Variants in STRN3 observed in about 807,000 individuals in gnomAD.
The protein encoded by STRN3 is striatin-3.
A neutral mutation model predicts 95.6 loss-of-function variants in STRN3; 29 were observed. The observed-to-expected ratio is 0.30, with a 90% CI of 0.23 to 0.41. The LOEUF (loss-of-function observed/expected upper bound fraction) is 0.41, where lower values mean the gene tolerates loss of function less well. Ranked by LOEUF, STRN3 falls within the 10% of genes least tolerant of loss-of-function variation. The pLI, the probability that STRN3 is intolerant of heterozygous loss-of-function variation, is 1.00. For synonymous variants in STRN3, 331 were observed against 357.6 expected, an observed-to-expected ratio of 0.93 and a Z score of 0.84; for missense variants, 890 against 972.1, an observed-to-expected ratio of 0.92 and a Z score of 1.12.
intron 1 of STRN3, chr14:31,018,314 A>C: frequency 3.9e-6 from 1 of 259,004 alleles, no homozygotes; most frequent in Middle Eastern, 1.4e-3. Flanking sequence ...GGTGGGCACC[A>C]TGTTGCATTC....
intron 13 of STRN3, among the ~76,000 whole-genome samples, chr14:30,909,405 C>T (rs908953749): frequency 7.4e-5 from 3 of 40,300 alleles, no homozygotes; most frequent in South Asian, 7.8e-4. Flanking sequence ...GCCTGGGAGG[C>T]GGAGGTTGCA....
intron 1 of STRN3, among the ~76,000 whole-genome samples, chr14:30,992,179 G>A (rs1201579563): frequency 1.3e-5 from 2 of 151,982 alleles, no homozygotes; most frequent in Non-Finnish European, 2.9e-5. Context: ...GGAGGCTGAG[G>A]CGGGCGGATC....
At chr14:30,963,087 CGCT>C (rs200981692) in intron 1 of STRN3, among the ~76,000 whole-genome samples, 9 of 124,568 alleles carry the variant, frequency 7.2e-5, no homozygotes, top group Admixed American at 5.8e-4. Flanking sequence ...CACATGACTA[CGCT>C]AATAATGACA....
At position 31,003,796 on chromosome 14, in the gene STRN3, T is replaced by TTAAA. The variant is rs71112372; in HGVS notation, c.282+22107_282+22108insTTTA. ...ACCTTAATGCAAAACACATCTTTCT[T>TTAAA]AAAAAAAAAAAAAAAAAAAAACTTG... On this transcript the variant is annotated intron_variant, in intron 1 of 17. Transcript: ENST00000357479. Among the ~76,000 whole-genome samples, 647 of 115,476 alleles carry TTAAA rather than the reference T, an allele frequency of 5.6e-3. 64 individuals carry two copies. The highest frequency in any genetic ancestry group is 0.02 in the Middle Eastern group (4 of 204). The allele number at this position is 115,476 out of a possible 152,430, so 75.8% of individuals were successfully genotyped here.
intron 1 of STRN3, among the ~76,000 whole-genome samples, chr14:31,019,651 G>C (rs117665845): frequency 1.3e-5 from 2 of 151,958 alleles, no homozygotes; most frequent in Admixed American, 1.3e-4. Context: ...AGCACAGATT[G>C]AATCAGTTAC....
At chr14:31,012,337 T>A (rs964828540) in intron 1 of STRN3, among the ~76,000 whole-genome samples, 2 of 152,208 alleles carry the variant, frequency 1.3e-5, no homozygotes, top group African/African-American at 4.8e-5. Context: ...AAAAACATCC[T>A]AAGTTCAGAT....
chr14:30,994,266 C>T (rs968837105), intron 1 of STRN3, among the ~76,000 whole-genome samples: 5 of 152,168 alleles, frequency 3.3e-5, no homozygotes, highest in Admixed American at 2.6e-4. Context: ...TCTAGGATTA[C>T]AGGCATGAGC....
chr14:30,932,919 A>T (rs1427087342), intron 7 of STRN3, among the ~76,000 whole-genome samples: 1 of 152,200 alleles, frequency 6.6e-6, no homozygotes, highest in African/African-American at 2.4e-5. Context: ...CTAAATGTGC[A>T]TCATAGAGCT....
rs143305048 is a variant in STRN3, at chr14:30,960,933, T to C, written c.283-4691A>G. ...AAGAAAATGAACATCTGCCTGATAC[T>C]TTCTGCCTCATACAGTTCCAGGAGG... On this transcript the variant is annotated intron_variant, in intron 1 of 17. Coordinates refer to ENST00000357479, the MANE Select transcript of STRN3 (RefSeq NM_001083893.2). Among the ~76,000 whole-genome samples the C allele has an allele frequency of 1.4e-4, 21 of 151,690 alleles. No homozygotes were observed. The East Asian group carries it at 3.5e-3, about 25-fold the overall frequency.
intron 1 of STRN3, among the ~76,000 whole-genome samples, chr14:31,019,260 G>A (rs1369371620): frequency 6.6e-6 from 1 of 152,096 alleles, no homozygotes; most frequent in Non-Finnish European, 1.5e-5. Context: ...AGTGAGCTAC[G>A]ATCGCACCAC....
chr14:31,025,888 G>C lies in STRN3; in HGVS notation c.282+16C>G, dbSNP rs1376740412. ...CCAGCCGCCGCAGCTCCCGCACACC[G>C]ACCCCAACGAGGTACCTGCAGTTCG... On this transcript the variant is annotated intron_variant, in intron 1 of 17. Transcript: ENST00000357479. 1 of 1,594,638 alleles carries C rather than the reference G, an allele frequency of 6.3e-7. No homozygotes were observed. The highest frequency in any genetic ancestry group is 2.3e-5 in the East Asian group (1 of 43,418).
chr14:30,918,592 A>C (rs552067440), intron 9 of STRN3, among the ~76,000 whole-genome samples: 1 of 152,254 alleles, frequency 6.6e-6, no homozygotes, highest in East Asian at 1.9e-4. Flanking sequence ...AATTACTATT[A>C]GTTCCTAAAT....
chr14:30,938,687 G>C (rs765594632), intron 5 of STRN3, among the ~76,000 whole-genome samples: 1 of 151,926 alleles, frequency 6.6e-6, no homozygotes, highest in Non-Finnish European at 1.5e-5. Context: ...GTAAAGAAAA[G>C]CCTATAAATT....
chr14:30,972,326 C>T (rs1458141467), intron 1 of STRN3, among the ~76,000 whole-genome samples: 1 of 152,102 alleles, frequency 6.6e-6, no homozygotes, highest in Admixed American at 6.5e-5. Flanking sequence ...ATTAGCCAAT[C>T]GGAATTAGTT....
chr14:30,920,689 C>T (rs1022032168), intron 8 of STRN3, among the ~76,000 whole-genome samples: 1 of 152,144 alleles, frequency 6.6e-6, no homozygotes, highest in African/African-American at 2.4e-5. Context: ...ATTACTACAA[C>T]AGACTCCTAA....
intron 1 of STRN3, among the ~76,000 whole-genome samples, chr14:30,967,030 T>C (rs1287195362): frequency 6.6e-6 from 1 of 151,496 alleles, no homozygotes; most frequent in East Asian, 1.9e-4. Context: ...GAGACACCCC[T>C]GGTTTGAGGG....
intron 8 of STRN3, among the ~76,000 whole-genome samples, chr14:30,922,440 G>T (rs1305851661): frequency 1.3e-5 from 2 of 152,104 alleles, no homozygotes; most frequent in Non-Finnish European, 2.9e-5. Context: ...TACTAATTAT[G>T]CCACGTGTAA....
chr14:30,977,348 CA>C (rs1162036307), intron 1 of STRN3, among the ~76,000 whole-genome samples: 1 of 151,360 alleles, frequency 6.6e-6, no homozygotes, highest in Non-Finnish European at 1.5e-5. Flanking sequence ...ACACAGAAAT[CA>C]AAAAAATTAC....
At position 30,894,887 on chromosome 14, in the gene STRN3, CT is replaced by C; in HGVS notation, c.*523del. On this transcript the variant is annotated 3_prime_UTR_variant, in exon 18 of 18. Coordinates refer to ENST00000357479, the MANE Select transcript of STRN3 (RefSeq NM_001083893.2). ...GCTAAAATATTTTAAGTTAAATTTT[CT>C]TTTTCTTTTTTTTTTTTTTTAAAGC... is the stretch of plus-strand genomic sequence containing the variant. 1 of 765,416 alleles carries C rather than the reference CT, an allele frequency of 1.3e-6. No individual in the cohort carries two copies. The highest frequency in any genetic ancestry group is 1.7e-6 in the Non-Finnish European group (1 of 599,976). The allele number at this position is 765,416 out of a possible 1,614,324, so 47.4% of individuals were successfully genotyped here.
Sources: allele counts gnomAD v4.1 joint callset (sites outside exome capture counted in the v4.1 genomes callset), GRCh38; gene constraint gnomAD v4.1.1; transcripts MANE v1.5; gene names NCBI Gene and HGNC (gene_info 2026-07-23, HGNC 2026-07-21).